The following PPM1H variants were observed in gnomAD, a reference collection of about 807,000 sequenced individuals.
PPM1H encodes the protein protein phosphatase 1H.
Under a neutral mutation model 54.9 loss-of-function variants are expected in PPM1H, and 27 were observed. The ratio of observed to expected loss-of-function variants is 0.49; its 90% CI spans 0.36 to 0.68. The LOEUF (loss-of-function observed/expected upper bound fraction) is 0.68, where lower values mean the gene tolerates loss of function less well. Ranked by LOEUF, PPM1H falls within the 30% of genes least tolerant of loss-of-function variation. PPM1H has a pLI of 0.00. For missense variants in PPM1H, 596 were observed against 667.8 expected, an observed-to-expected ratio of 0.89 and a Z score of 1.19; for synonymous variants, 305 against 270.8, an observed-to-expected ratio of 1.13 and a Z score of -1.24.
chr12:62,746,205 CA>C (rs1221214992), intron 4 of PPM1H, among the ~76,000 whole-genome samples: 2 of 151,732 alleles, frequency 1.3e-5, no homozygotes, highest in Admixed American at 1.3e-4. Flanking sequence ...AAAAAAAAAA[CA>C]AAAACAAAAA....
chr12:62,900,726 C>T (rs937241869), intron 1 of PPM1H, among the ~76,000 whole-genome samples: 1 of 151,992 alleles, frequency 6.6e-6, no homozygotes, highest in Non-Finnish European at 1.5e-5. Context: ...ATACTAATTC[C>T]TGATTTTACA....
At chr12:62,854,960 G>C (rs538123482) in intron 1 of PPM1H, among the ~76,000 whole-genome samples, 1 of 152,274 alleles carries the variant, frequency 6.6e-6, no homozygotes, top group South Asian at 2.1e-4. Context: ...TATAGGCTTA[G>C]TATAAGCTTC....
chr12:62,921,474 G>T (rs1871798307), intron 1 of PPM1H, among the ~76,000 whole-genome samples: 1 of 152,094 alleles, frequency 6.6e-6, no homozygotes, highest in African/African-American at 2.4e-5. Context: ...GCTCCATTAG[G>T]CCTGGCTTGT....
At chr12:62,710,724 G>A (rs1208563609) in intron 6 of PPM1H, among the ~76,000 whole-genome samples, 2 of 152,088 alleles carry the variant, frequency 1.3e-5, no homozygotes, top group Non-Finnish European at 2.9e-5. Flanking sequence ...CTAGGCAGAG[G>A]CAGCCAGCAG....
chr12:62,747,474 G>A (rs956956317), intron 4 of PPM1H, among the ~76,000 whole-genome samples: 1 of 152,194 alleles, frequency 6.6e-6, no homozygotes, highest in Non-Finnish European at 1.5e-5. Context: ...CCGGGTTTAA[G>A]TGATCCTCAC....
At chr12:62,915,302 T>C (rs868305822) in intron 1 of PPM1H, among the ~76,000 whole-genome samples, 4 of 152,188 alleles carry the variant, frequency 2.6e-5, no homozygotes, top group East Asian at 1.9e-4. Context: ...ATGTGGTGAG[T>C]GCCTGCAGCG....
At position 62,646,401 on chromosome 12, in the gene PPM1H, C is replaced by T. The variant is rs1341280672; in HGVS notation, c.*2088G>A. The T allele has an allele frequency of 2.0e-5, 3 of 152,136 alleles. No individual in the cohort carries two copies. Among genetic ancestry groups the T allele is most frequent in the African/African-American group, 7.2e-5 (3 of 41,396 alleles). 9.4% of individuals were successfully genotyped at this position (152,136 alleles called of 1,614,324 possible). On this transcript the variant is annotated 3_prime_UTR_variant, in exon 10 of 10. Coordinates refer to ENST00000228705, the MANE Select transcript of PPM1H (RefSeq NM_020700.2). ...CCCAGGAAAGCAAATAAATGAAAGA[C>T]GGTGGGGACACAGGAAGGATCCCAA... is the stretch of plus-strand genomic sequence containing the variant.
At chr12:62,775,822 T>C (rs1184176247) in intron 4 of PPM1H, among the ~76,000 whole-genome samples, 1 of 152,212 alleles carries the variant, frequency 6.6e-6, no homozygotes. Context: ...TCCTCAACTA[T>C]AAAAGGTACA....
In PPM1H at chr12:62,648,424, T is replaced by C. The variant is rs905811706; in HGVS notation, c.*65A>G. On this transcript the variant is annotated 3_prime_UTR_variant, in exon 10 of 10. Transcript: ENST00000228705. Reference sequence around the variant, plus strand: ...GGAACTCAGCTGGGGCACTTCCCAGTTCCGTCCTGCCAAGAGGCATCCCAG... The same window carrying C: ...GGAACTCAGCTGGGGCACTTCCCAGCTCCGTCCTGCCAAGAGGCATCCCAG... The C allele has an allele frequency of 6.3e-7, 1 of 1,582,582 alleles. No homozygotes were observed. The highest frequency in any genetic ancestry group is 1.3e-5 in the African/African-American group (1 of 74,640).
chr12:62,913,920 G>A (rs1463896034), intron 1 of PPM1H, among the ~76,000 whole-genome samples: 3 of 152,176 alleles, frequency 2.0e-5, no homozygotes, highest in Middle Eastern at 3.4e-3. Context: ...GGCTGGTCTC[G>A]AACTTCTGAC....
intron 8 of PPM1H, among the ~76,000 whole-genome samples, chr12:62,668,200 T>G (rs1381479940): frequency 2.6e-5 from 4 of 152,150 alleles, no homozygotes; most frequent in Admixed American, 2.6e-4. Context: ...TCTATGTCCA[T>G]CCTACTTCAA....
chr12:62,840,346 T>A (rs1473260586), intron 1 of PPM1H: 2 of 152,048 alleles, frequency 1.3e-5, no homozygotes, highest in East Asian at 1.9e-4. Context: ...CTGAACAATT[T>A]CAAAAGGCTC....
intron 2 of PPM1H, among the ~76,000 whole-genome samples, chr12:62,806,717 G>A (rs549058244): frequency 1.9e-3 from 284 of 152,234 alleles, no homozygotes; most frequent in Non-Finnish European, 3.4e-3. Context: ...ACGACTGAAC[G>A]TTTCCCTAAG....
intron 1 of PPM1H, among the ~76,000 whole-genome samples, chr12:62,866,864 C>CTTCT (rs1368866815): frequency 6.6e-6 from 1 of 151,954 alleles, no homozygotes; most frequent in East Asian, 1.9e-4. Flanking sequence ...GAATTGAGTC[C>CTTCT]ATGACGCTCA....
At chr12:62,664,983 T>C (rs1237422497) in intron 9 of PPM1H, among the ~76,000 whole-genome samples, 4 of 151,340 alleles carry the variant, frequency 2.6e-5, no homozygotes, top group Non-Finnish European at 5.9e-5. Context: ...ATGTCTTCTT[T>C]TTTTTTTTTT....
At chr12:62,800,976 G>C (rs2704762) in intron 3 of PPM1H, among the ~76,000 whole-genome samples, 241 of 152,332 alleles carry the variant, frequency 1.6e-3, no homozygotes, top group African/African-American at 5.1e-3. Flanking sequence ...GAAACGAACA[G>C]ACAAATCCAC....
chr12:62,846,578 C>G (rs956427264), intron 1 of PPM1H, among the ~76,000 whole-genome samples: 3 of 151,482 alleles, frequency 2.0e-5, no homozygotes, highest in Non-Finnish European at 2.9e-5. Context: ...TCTGAATATC[C>G]TCAGCTTCCC....
chr12:62,908,422 A>G (rs2628039), intron 1 of PPM1H, among the ~76,000 whole-genome samples: 28 of 134,272 alleles, frequency 2.1e-4, no homozygotes, highest in Non-Finnish European at 3.5e-4. Flanking sequence ...AAAAAAAAAA[A>G]AAAGAAAGAA....
At chr12:62,842,638 G>A (rs1038489433) in intron 1 of PPM1H, among the ~76,000 whole-genome samples, 1 of 152,170 alleles carries the variant, frequency 6.6e-6, no homozygotes, top group Non-Finnish European at 1.5e-5. Context: ...AACACAAGAG[G>A]AATAAAGTTA....
Sources: gnomAD v4.1 joint callset for allele counts (sites outside exome capture counted in the v4.1 genomes callset) on GRCh38, gnomAD v4.1.1 for gene constraint, MANE v1.5 for transcripts, NCBI Gene and HGNC (gene_info 2026-07-23, HGNC 2026-07-21) for gene names.